The following NEGR1 variants were observed in gnomAD, a reference collection of about 807,000 sequenced individuals.
NEGR1 encodes the protein IgLON family member 4.
Under a neutral mutation model 40.9 loss-of-function variants are expected in NEGR1, and 10 were observed. That is an observed-to-expected ratio of 0.24 (90% CI 0.15 to 0.42). The LOEUF is 0.42. NEGR1 is among the 10% of genes least tolerant of loss of function. The probability of loss-of-function intolerance (pLI) is 1.00; values close to 1 mark genes in which losing one functional copy is unlikely to be tolerated. For synonymous variants in NEGR1, 185 were observed against 166.8 expected, an observed-to-expected ratio of 1.11 and a Z score of -0.84; for missense variants, 352 against 438.9, an observed-to-expected ratio of 0.80 and a Z score of 1.77.
intron 3 of NEGR1, among the ~76,000 whole-genome samples, chr1:71,715,663 G>C (rs1423988525): frequency 6.6e-6 from 1 of 152,096 alleles, no homozygotes. Flanking sequence ...CGAGGGCAGG[G>C]GGAAAATGTC....
intron 6 of NEGR1, among the ~76,000 whole-genome samples, chr1:71,444,342 A>G (rs539153416): frequency 2.0e-5 from 3 of 152,310 alleles, no homozygotes; most frequent in East Asian, 1.9e-4. Flanking sequence ...GCACTTTTAG[A>G]TAATACTTAA....
rs541512913 is a variant in NEGR1 at position 72,261,560 on chromosome 1, CT to C, written c.176+20758del. The stretch of plus-strand genomic sequence containing the variant: ...TGTAATTAAAAAAATGTTTATAAAA[CT>C]TTTTTTTCCATGAACAAAATTTCAT... On this transcript the variant is annotated intron_variant, in intron 1 of 6. Coordinates refer to ENST00000357731, the MANE Select transcript of NEGR1 (RefSeq NM_173808.3). Among the ~76,000 whole-genome samples the C allele has an allele frequency of 1.5e-3, 222 of 151,906 alleles. 1 individual carries two copies. The highest frequency in any genetic ancestry group is 2.1e-3 in the Non-Finnish European group (141 of 67,882).
intron 1 of NEGR1, among the ~76,000 whole-genome samples, chr1:71,951,942 A>G (rs925677212): frequency 3.3e-5 from 5 of 151,938 alleles, no homozygotes; most frequent in Non-Finnish European, 7.4e-5. Context: ...ATTACAAACT[A>G]TGCCCATACA....
intron 1 of NEGR1, among the ~76,000 whole-genome samples, chr1:72,126,091 ATGTGTG>A (rs67552146): frequency 0.042 from 6,173 of 146,728 alleles, 273 homozygotes; most frequent in African/African-American, 0.12. Flanking sequence ...AGAGAAAAGT[ATGTGTG>A]TGTGTGTGTG....
chr1:71,771,467 G>A (rs1436464192), intron 3 of NEGR1, among the ~76,000 whole-genome samples: 3 of 151,792 alleles, frequency 2.0e-5, no homozygotes, highest in African/African-American at 7.3e-5. Flanking sequence ...ATGGAAGGCC[G>A]AGGCACGTGG....
chr1:71,805,863 G>A (rs754516447), intron 2 of NEGR1, among the ~76,000 whole-genome samples: 3 of 152,008 alleles, frequency 2.0e-5, no homozygotes, highest in Non-Finnish European at 4.4e-5. Flanking sequence ...TAATGACTAT[G>A]GCAAATTTGC....
chr1:72,171,677 G>C (rs1391803363), intron 1 of NEGR1, among the ~76,000 whole-genome samples: 1 of 152,104 alleles, frequency 6.6e-6, no homozygotes, highest in Non-Finnish European at 1.5e-5. Flanking sequence ...TGAAAAATAA[G>C]TTATGTATAA....
chr1:71,908,869 AT>A (rs1661350195), intron 2 of NEGR1, among the ~76,000 whole-genome samples: 1 of 152,212 alleles, frequency 6.6e-6, no homozygotes, highest in Non-Finnish European at 1.5e-5. Flanking sequence ...TAGATATTAA[AT>A]AATTTTTAAA....
chr1:71,828,702 A>G (rs1432413808), intron 2 of NEGR1, among the ~76,000 whole-genome samples: 1 of 151,846 alleles, frequency 6.6e-6, no homozygotes, highest in South Asian at 2.1e-4. Flanking sequence ...TCAGAGACCA[A>G]ATTCTTGAGT....
intron 1 of NEGR1, among the ~76,000 whole-genome samples, chr1:71,983,842 A>AT (rs1374395645): frequency 6.6e-6 from 1 of 152,144 alleles, no homozygotes; most frequent in Non-Finnish European, 1.5e-5. Context: ...TGATTAACTT[A>AT]TTTTTTCTAT....
At chr1:72,266,320 A>C (rs2100551947) in intron 1 of NEGR1, among the ~76,000 whole-genome samples, 1 of 151,090 alleles carries the variant, frequency 6.6e-6, no homozygotes, top group African/African-American at 2.4e-5. Flanking sequence ...ATGTACCATA[A>C]GTACATACAC....
chr1:71,921,493 G>A (rs1313466313), intron 2 of NEGR1, among the ~76,000 whole-genome samples: 1 of 151,838 alleles, frequency 6.6e-6, no homozygotes, highest in African/African-American at 2.4e-5. Context: ...TATTCAATGT[G>A]AAGATGAGCA....
chr1:72,110,225 A>AAAAAAT lies in NEGR1; in HGVS notation c.176+172093_176+172094insATTTTT, dbSNP rs1553141077. 6.5e-3 allele frequency among the ~76,000 whole-genome samples: 950 copies of AAAAAAT among 146,786 alleles called. 12 individuals carry two copies. The highest frequency in any genetic ancestry group is 0.024 in the African/African-American group (903 of 38,048). ...ACCCTAAAACTTAGAGTATAATAAA[A>AAAAAAT]AAAAAAAAAAAAAAAAAGAATTGTG... On this transcript the variant is annotated intron_variant, in intron 1 of 6. Transcript: ENST00000357731.
At chr1:72,218,204 T>A (rs528702099) in intron 1 of NEGR1, among the ~76,000 whole-genome samples, 2 of 152,004 alleles carry the variant, frequency 1.3e-5, no homozygotes, top group Non-Finnish European at 2.9e-5. Flanking sequence ...TGTGACACAT[T>A]TGAGGCTATT....
intron 4 of NEGR1, among the ~76,000 whole-genome samples, chr1:71,647,563 A>G (rs1191447973): frequency 4.6e-5 from 7 of 151,932 alleles, no homozygotes; most frequent in African/African-American, 1.7e-4. Context: ...AACTTCCTGT[A>G]AGCCATTTTT....
At chr1:71,881,897 C>A (rs993152385) in intron 2 of NEGR1, among the ~76,000 whole-genome samples, 1 of 152,066 alleles carries the variant, frequency 6.6e-6, no homozygotes, top group Admixed American at 6.6e-5. Context: ...TAAAAAGCAG[C>A]CAGTTCTTAG....
intron 1 of NEGR1, among the ~76,000 whole-genome samples, chr1:71,994,649 T>C (rs1363455537): frequency 1.3e-5 from 2 of 152,134 alleles, no homozygotes; most frequent in Admixed American, 6.5e-5. Context: ...TACACAAGTT[T>C]GGTGTGTCAT....
chr1:71,853,515 C>T (rs533784584), intron 2 of NEGR1, among the ~76,000 whole-genome samples: 1 of 152,014 alleles, frequency 6.6e-6, no homozygotes, highest in South Asian at 2.1e-4. Context: ...CAAACCGTGC[C>T]TTTGTCTTGA....
chr1:72,003,844 A>G (rs1232546004), intron 1 of NEGR1, among the ~76,000 whole-genome samples: 1 of 152,146 alleles, frequency 6.6e-6, no homozygotes, highest in Non-Finnish European at 1.5e-5. Flanking sequence ...AACATTATAA[A>G]TAATTTATTT....
Sources: gnomAD v4.1 joint callset for allele counts (sites outside exome capture counted in the v4.1 genomes callset) on GRCh38, gnomAD v4.1.1 for gene constraint, MANE v1.5 for transcripts, NCBI Gene and HGNC (gene_info 2026-07-23, HGNC 2026-07-21) for gene names.